COL24A1: variants seen among roughly 807,000 people sequenced by gnomAD.
The protein encoded by COL24A1 is collagen alpha-1(XXIV) chain.
In COL24A1, 224 loss-of-function variants were observed where a neutral mutation model predicts 253.9. The ratio of observed to expected loss-of-function variants is 0.88; its 90% confidence interval spans 0.79 to 0.99. The LOEUF (loss-of-function observed/expected upper bound fraction) is 0.99, where lower values mean the gene tolerates loss of function less well. COL24A1 is among the 50% of genes least tolerant of loss of function. The pLI, the probability that COL24A1 is intolerant of heterozygous loss-of-function variation, is 0.00. For missense variants in COL24A1, 2,131 were observed against 2,068.5 expected, an observed-to-expected ratio of 1.03 and a Z score of -0.59; for synonymous variants, 685 against 673.7, an observed-to-expected ratio of 1.02 and a Z score of -0.26.
chr1:85,900,260 T>C (rs1404812327), intron 28 of COL24A1, among the ~76,000 whole-genome samples: 2 of 152,164 alleles, frequency 1.3e-5, no homozygotes, highest in Non-Finnish European at 2.9e-5. Flanking sequence ...CTAAGATTCA[T>C]ATGTAACACA....
At chr1:85,906,286 TAGGTAGAGGATA>T (rs1553222976) in intron 28 of COL24A1, among the ~76,000 whole-genome samples, 6 of 149,170 alleles carry the variant, frequency 4.0e-5, no homozygotes, top group Admixed American at 6.7e-5. Flanking sequence ...TTACCATGGT[TAGGTAGAGGATA>T]TTTTTAGAAT....
Position 85,962,571 on chromosome 1 carries a change from T to A in COL24A1, c.2518-1278A>T, listed in dbSNP as rs539077143. 6.4e-4 allele frequency among the ~76,000 whole-genome samples: 97 copies of A among 152,254 alleles called. No homozygotes were observed. The Middle Eastern group carries it at 0.017, about 27-fold the overall frequency. On this transcript the variant is annotated intron_variant, in intron 23 of 59. Coordinates refer to ENST00000370571, the MANE Select transcript of COL24A1 (RefSeq NM_152890.7). ...AACATTAATGATTTCAAATAATGGA[T>A]TATGAAACTGTAAGTGGGGCCCTGA...
chr1:86,134,748 C>T lies in COL24A1; in HGVS notation c.122-8534G>A, dbSNP rs184488889. Among the ~76,000 whole-genome samples the T allele has an allele frequency of 8.1e-3, 52 of 6,434 alleles. 1 individual carries two copies. Among genetic ancestry groups the T allele is most frequent in the African/African-American group, 8.5e-3 (43 of 5,064 alleles). The allele number at this position is 6,434 out of a possible 152,430, so 4.2% of individuals were successfully genotyped here. On this transcript the variant is annotated intron_variant, in intron 2 of 59. Transcript: ENST00000370571. ...ATAATTTTTGTTCTTTTACGTTTGC[C>T]GAGGAGTGCTCTACTTCTAACTATG... is the stretch of plus-strand genomic sequence containing the variant.
intron 37 of COL24A1, among the ~76,000 whole-genome samples, chr1:85,866,708 A>T (rs550755906): frequency 6.6e-6 from 1 of 152,250 alleles, no homozygotes; most frequent in East Asian, 1.9e-4. Context: ...CGGGAGGTGG[A>T]GGTTGCAGTG....
chr1:85,780,927 G>T (rs1009800193), intron 52 of COL24A1, among the ~76,000 whole-genome samples: 9 of 151,126 alleles, frequency 6.0e-5, no homozygotes, highest in South Asian at 4.1e-4. Context: ...TTCAGAAGAA[G>T]AATTTATTTT....
At chr1:85,860,731 A>C (rs1038685950) in intron 37 of COL24A1, among the ~76,000 whole-genome samples, 2 of 152,166 alleles carry the variant, frequency 1.3e-5, no homozygotes, top group African/African-American at 4.8e-5. Flanking sequence ...ACAGAGCAAG[A>C]CTCTGTCTCA....
intron 47 of COL24A1, among the ~76,000 whole-genome samples, chr1:85,812,742 C>T (rs951514335): frequency 1.3e-5 from 2 of 152,158 alleles, no homozygotes; most frequent in Non-Finnish European, 2.9e-5. Context: ...ATCAGGTAAA[C>T]AAGATGGACC....
intron 47 of COL24A1, among the ~76,000 whole-genome samples, chr1:85,796,733 A>G (rs1670844037): frequency 6.6e-6 from 1 of 152,224 alleles, no homozygotes; most frequent in African/African-American, 2.4e-5. Context: ...CAATAAATAC[A>G]TGCAGTGTAC....
intron 53 of COL24A1, among the ~76,000 whole-genome samples, chr1:85,766,617 A>C (rs1055586250): frequency 3.3e-5 from 5 of 152,120 alleles, no homozygotes; most frequent in African/African-American, 1.2e-4. Flanking sequence ...TTTTCTAATC[A>C]AGAAACCCAA....
At chr1:85,858,556 A>T (rs1678719276) in intron 37 of COL24A1, among the ~76,000 whole-genome samples, 1 of 151,770 alleles carries the variant, frequency 6.6e-6, no homozygotes, top group South Asian at 2.1e-4. Flanking sequence ...TGACCACCCT[A>T]AATAGGTAAC....
At chr1:85,828,067 A>C (rs553511162) in intron 43 of COL24A1, among the ~76,000 whole-genome samples, 1,787 of 152,184 alleles carry the variant, frequency 0.012, 28 homozygotes, top group Non-Finnish European at 0.021. Flanking sequence ...TTAGTGCTAT[A>C]AATTTCCCTC....
chr1:85,791,737 T>A (rs1440832079), intron 47 of COL24A1, among the ~76,000 whole-genome samples: 3 of 151,936 alleles, frequency 2.0e-5, no homozygotes, highest in Admixed American at 6.6e-5. Context: ...GTGAAAAAAA[T>A]TTTCAAAGAT....
intron 19 of COL24A1, among the ~76,000 whole-genome samples, chr1:85,995,189 T>G (rs191439335): frequency 6.6e-6 from 1 of 152,282 alleles, no homozygotes; most frequent in Admixed American, 6.5e-5. Flanking sequence ...TCTTGCTCTG[T>G]CAATCAAGCT....
At chr1:85,793,378 A>T (rs1333624521) in intron 47 of COL24A1, among the ~76,000 whole-genome samples, 1 of 152,084 alleles carries the variant, frequency 6.6e-6, no homozygotes, top group East Asian at 1.9e-4. Context: ...ATTTTAAGGA[A>T]CAAATTACAA....
intron 45 of COL24A1, among the ~76,000 whole-genome samples, chr1:85,823,322 G>GA (rs1340802043): frequency 6.6e-6 from 1 of 151,992 alleles, no homozygotes; most frequent in Non-Finnish European, 1.5e-5. Flanking sequence ...TTCTGGAAAA[G>GA]AAAAATTTGG....
At chr1:85,741,129 A>G (rs1415877911) in intron 57 of COL24A1, among the ~76,000 whole-genome samples, 1 of 150,944 alleles carries the variant, frequency 6.6e-6, no homozygotes, top group Non-Finnish European at 1.5e-5. Flanking sequence ...AAAAAAAAAA[A>G]AAAGAAAAGA....
chr1:86,029,523 C>T (rs1178263801), intron 14 of COL24A1, among the ~76,000 whole-genome samples: 2 of 152,106 alleles, frequency 1.3e-5, no homozygotes, highest in Non-Finnish European at 2.9e-5. Context: ...CATGTTATCC[C>T]AAGATGGCAA....
chr1:86,155,062 T>C lies in COL24A1; in HGVS notation c.56+1279A>G, dbSNP rs74500783. ...GCTCTGAGAAGGCAACCCGCAGAGC[T>C]TGACCTCTACTCGCTCCAGGGACTC... On this transcript the variant is annotated intron_variant, in intron 1 of 59. Coordinates refer to ENST00000370571, the MANE Select transcript of COL24A1 (RefSeq NM_152890.7). 706 of 152,436 alleles carry C rather than the reference T, an allele frequency of 4.6e-3. 11 individuals carry two copies. The East Asian group carries it at 0.048, about 10-fold the overall frequency. 9.4% of individuals were successfully genotyped at this position (152,436 alleles called of 1,614,324 possible).
chr1:86,099,045 G>A (rs577617225), intron 5 of COL24A1, among the ~76,000 whole-genome samples: 22 of 152,130 alleles, frequency 1.4e-4, no homozygotes, highest in African/African-American at 5.3e-4. Context: ...GACAAAAATA[G>A]GTCACATATT....
Sources: gnomAD v4.1 joint callset for allele counts (sites outside exome capture counted in the v4.1 genomes callset) on GRCh38, gnomAD v4.1.1 for gene constraint, MANE v1.5 for transcripts, NCBI Gene and HGNC (gene_info 2026-07-23, HGNC 2026-07-21) for gene names.